The following TMEM132C variants were observed in gnomAD, a reference collection of about 807,000 sequenced individuals.
TMEM132C encodes the protein transmembrane protein 132C.
A neutral mutation model predicts 61.4 loss-of-function variants in TMEM132C; 29 were observed. That is an observed-to-expected ratio of 0.47 (90% CI 0.35 to 0.64). TMEM132C has a LOEUF of 0.64. Ranked by LOEUF, TMEM132C falls within the 30% of genes least tolerant of loss-of-function variation. The probability of loss-of-function intolerance (pLI) is 0.00; values close to 1 mark genes in which losing one functional copy is unlikely to be tolerated. For synonymous variants in TMEM132C, 656 were observed against 633.1 expected, an observed-to-expected ratio of 1.04 and a Z score of -0.54; for missense variants, 1,408 against 1,476.9, an observed-to-expected ratio of 0.95 and a Z score of 0.76.
chr12:128,414,370 A>G (rs1473625965), intron 1 of TMEM132C, among the ~76,000 whole-genome samples: 1 of 152,198 alleles, frequency 6.6e-6, no homozygotes, highest in Non-Finnish European at 1.5e-5. Context: ...TTCATGTACC[A>G]GTGCCATTAA....
intron 3 of TMEM132C, among the ~76,000 whole-genome samples, chr12:128,613,026 C>T (rs1463139071): frequency 6.6e-6 from 1 of 152,166 alleles, no homozygotes; most frequent in African/African-American, 2.4e-5. Flanking sequence ...GCAATGCTCA[C>T]AGAACTTTGT....
At chr12:128,664,804 G>A (rs1954439735) in intron 4 of TMEM132C, among the ~76,000 whole-genome samples, 3 of 134,670 alleles carry the variant, frequency 2.2e-5, no homozygotes, top group South Asian at 2.1e-4. Flanking sequence ...TTGGTCCCGC[G>A]GGGGTTTAGG....
At chr12:128,554,607 G>A (rs1432219150) in intron 3 of TMEM132C, among the ~76,000 whole-genome samples, 1 of 152,192 alleles carries the variant, frequency 6.6e-6, no homozygotes, top group Admixed American at 6.5e-5. Context: ...GAGGTTGATT[G>A]CCTGTATTGT....
At chr12:128,695,713 C>A in intron 6 of TMEM132C, 117 bp from the exon 7 acceptor site, 1 of 1,172,668 alleles carries the variant, frequency 8.5e-7, no homozygotes, top group Non-Finnish European at 1.2e-6. Flanking sequence ...CTTGCATGGT[C>A]CTGGCGCTCG....
chr12:128,658,855 G>A (rs1954356969), intron 4 of TMEM132C, among the ~76,000 whole-genome samples: 1 of 152,238 alleles, frequency 6.6e-6, no homozygotes, highest in Non-Finnish European at 1.5e-5. Flanking sequence ...AGCAAAGGGT[G>A]CAGGCTTTTA....
At chr12:128,445,168 T>C (rs1020314121) in intron 2 of TMEM132C, among the ~76,000 whole-genome samples, 2 of 149,274 alleles carry the variant, frequency 1.3e-5, no homozygotes, top group Non-Finnish European at 3.0e-5. Flanking sequence ...ACTTTTTTTC[T>C]TTTGCATAGA....
At chr12:128,672,421 A>G (rs1022166808) in intron 5 of TMEM132C, among the ~76,000 whole-genome samples, 2 of 152,220 alleles carry the variant, frequency 1.3e-5, no homozygotes, top group African/African-American at 4.8e-5. Flanking sequence ...AAACAACCCA[A>G]AATTTATCAC....
At chr12:128,292,074 C>T (rs1352596526) in intron 1 of TMEM132C, among the ~76,000 whole-genome samples, 5 of 152,172 alleles carry the variant, frequency 3.3e-5, no homozygotes, top group Admixed American at 6.5e-5. Context: ...TCTCACCATC[C>T]GTCTCTGCTT....
At chr12:128,686,983 G>C (rs1366833978) in intron 5 of TMEM132C, among the ~76,000 whole-genome samples, 2 of 152,126 alleles carry the variant, frequency 1.3e-5, no homozygotes, top group African/African-American at 4.8e-5. Context: ...GATTACTTGA[G>C]GCCAAGGGTT....
In TMEM132C at chr12:128,687,094, C is replaced by T. The variant is rs189500959; in HGVS notation, c.1450-6735C>T. On this transcript the variant is annotated intron_variant, in intron 5 of 8. Coordinates refer to ENST00000435159, the MANE Select transcript of TMEM132C (RefSeq NM_001136103.3). ...GTGCATGCCTGTAGTCCCAGCTACC[C>T]GGGAGGCTGAGGCAGGGGAATCACT... Among the ~76,000 whole-genome samples, 175 of 148,936 alleles carry T rather than the reference C, an allele frequency of 1.2e-3. 1 individual carries two copies. In the South Asian group the frequency reaches 0.012, roughly 10 times the overall value.
chr12:128,599,661 A>G (rs1432386961), intron 3 of TMEM132C, among the ~76,000 whole-genome samples: 1 of 152,236 alleles, frequency 6.6e-6, no homozygotes. Context: ...GAAAGAGAAA[A>G]GGAAGGTTTT....
intron 2 of TMEM132C, among the ~76,000 whole-genome samples, chr12:128,535,078 G>A (rs77805584): frequency 2.0e-5 from 3 of 152,194 alleles, no homozygotes; most frequent in Non-Finnish European, 2.9e-5. Context: ...CCTGCTAGGG[G>A]CAATGGGGAC....
chr12:128,299,072 G>A (rs1284954352), intron 1 of TMEM132C, among the ~76,000 whole-genome samples: 2 of 152,144 alleles, frequency 1.3e-5, no homozygotes, highest in Non-Finnish European at 2.9e-5. Flanking sequence ...GCTTACGGTA[G>A]GATTAGTATG....
chr12:128,326,771 C>A lies in TMEM132C; in HGVS notation c.85+59284C>A, dbSNP rs541496539. Reference sequence around the variant, plus strand: ...ATTCATCAGATGTCTTTATGGCTCCCACATCTCGTTACCGACTTCACAATA... The same window carrying A: ...ATTCATCAGATGTCTTTATGGCTCCAACATCTCGTTACCGACTTCACAATA... On this transcript the variant is annotated intron_variant, in intron 1 of 8. Transcript: ENST00000435159. The surrounding 1 kb of genome is among the most constrained non-coding windows in gnomAD (Gnocchi z 5.6). Among the ~76,000 whole-genome samples, 1 of 139,302 alleles carries A rather than the reference C, an allele frequency of 7.2e-6. No homozygotes were observed. Among genetic ancestry groups the A allele is most frequent in the African/African-American group, 3.4e-5 (1 of 29,310 alleles). The allele number at this position is 139,302 out of a possible 152,430, so 91.4% of individuals were successfully genotyped here.
intron 2 of TMEM132C, among the ~76,000 whole-genome samples, chr12:128,542,208 C>T (rs889958727): frequency 1.3e-5 from 2 of 152,194 alleles, no homozygotes; most frequent in East Asian, 1.9e-4. Context: ...GTTCTGCTGA[C>T]TTGTTTTATC....
At chr12:128,501,074 C>T (rs11059723) in intron 2 of TMEM132C, among the ~76,000 whole-genome samples, 9,944 of 152,214 alleles carry the variant, frequency 0.065, 545 homozygotes, top group African/African-American at 0.15. Context: ...GTGCAATAAG[C>T]CAGACACAGA....
chr12:128,606,394 C>T (rs377113181), intron 3 of TMEM132C, among the ~76,000 whole-genome samples: 1 of 152,358 alleles, frequency 6.6e-6, no homozygotes, highest in East Asian at 1.9e-4. Flanking sequence ...CTCCCATAGT[C>T]TCTCTCCTCT....
intron 1 of TMEM132C, among the ~76,000 whole-genome samples, chr12:128,366,025 A>G (rs113210001): frequency 1.3e-5 from 2 of 152,210 alleles, no homozygotes; most frequent in Admixed American, 6.5e-5. Context: ...GATTAAACAC[A>G]TTGCCCGCTT....
At chr12:128,574,222 C>T (rs545730264) in intron 3 of TMEM132C, among the ~76,000 whole-genome samples, 2 of 152,196 alleles carry the variant, frequency 1.3e-5, no homozygotes, top group African/African-American at 2.4e-5. Context: ...ACTTTTATAT[C>T]GCTCAGAGCA....
Sources: gnomAD v4.1 joint callset for allele counts (sites outside exome capture counted in the v4.1 genomes callset) on GRCh38, gnomAD v4.1.1 for gene constraint, Gnocchi (gnomAD v3.1) non-coding constraint, MANE v1.5 for transcripts, NCBI Gene and HGNC (gene_info 2026-07-23, HGNC 2026-07-21) for gene names.